SLC38A8: variants seen among roughly 807,000 people sequenced by gnomAD.
SLC38A8 encodes the protein solute carrier family 38 member 8, also known as amino acid transporter SLC38A8.
In SLC38A8, 65 loss-of-function variants were observed where a neutral mutation model predicts 46.0. That is an observed-to-expected ratio of 1.41 (90% CI 1.16 to 1.74). The LOEUF (loss-of-function observed/expected upper bound fraction) is 1.74, where lower values mean the gene tolerates loss of function less well. Among genes scored for constraint, SLC38A8 ranks in the 40% most tolerant of loss-of-function variants. SLC38A8 has a pLI of 0.00. For synonymous variants in SLC38A8, 447 were observed against 243.7 expected, an observed-to-expected ratio of 1.83 and a Z score of -7.77; for missense variants, 998 against 567.9, an observed-to-expected ratio of 1.76 and a Z score of -7.70.
Position 84,029,500 on chromosome 16 carries a change from C to G in SLC38A8, c.684G>C (p.Gly228=), listed in dbSNP as rs766780429. ...VFSVFPTICF[G]FQCHEAAVSI... Reference sequence around the variant, plus strand: ...ACACAGATGCTAAAATTACCTGAAACCCGAAGCAGATGGTGGGGAAGACAC... The same window carrying G: ...ACACAGATGCTAAAATTACCTGAAAGCCGAAGCAGATGGTGGGGAAGACAC... The change falls in exon 6 of 11, where the codon GGG becomes GGC. Residue 228 remains glycine (G), a synonymous_variant. Coordinates refer to ENST00000299709, the MANE Select transcript of SLC38A8 (RefSeq NM_001080442.3). 1.2e-6 allele frequency: 2 copies of G among 1,613,946 alleles called. No individual in the cohort carries two copies. Among genetic ancestry groups the G allele is most frequent in the Non-Finnish European group, 1.7e-6 (2 of 1,179,986 alleles).
intron 10 of SLC38A8, among the ~76,000 whole-genome samples, chr16:84,011,998 C>G (rs1270798224): frequency 1.3e-5 from 2 of 152,152 alleles, no homozygotes; most frequent in African/African-American, 4.8e-5. Flanking sequence ...CAAGGAGCAC[C>G]TGGGGCCACC....
At chr16:84,041,609 G>A (rs531450215) in intron 2 of SLC38A8, among the ~76,000 whole-genome samples, 6 of 152,308 alleles carry the variant, frequency 3.9e-5, no homozygotes, top group South Asian at 2.1e-4. Context: ...CACCGTGCCC[G>A]GCCCAGCTTT....
chr16:84,019,769 CA>C (rs2085074107), intron 7 of SLC38A8, among the ~76,000 whole-genome samples: 1 of 152,166 alleles, frequency 6.6e-6, no homozygotes, highest in Admixed American at 6.5e-5. Context: ...GCAGTGCAGG[CA>C]AAAGAAACAT....
intron 7 of SLC38A8, among the ~76,000 whole-genome samples, chr16:84,021,509 G>C (rs531661991): frequency 2.0e-5 from 3 of 152,164 alleles, no homozygotes; most frequent in Non-Finnish European, 4.4e-5. Context: ...AACCTCCTCA[G>C]AACAGACTTT....
At chr16:84,034,607 G>T (rs2085281171) in intron 3 of SLC38A8, among the ~76,000 whole-genome samples, 1 of 152,184 alleles carries the variant, frequency 6.6e-6, no homozygotes, top group African/African-American at 2.4e-5. Flanking sequence ...GTGCTTCTTT[G>T]TTCTCACTCA....
intron 2 of SLC38A8, 110 bp downstream of exon 2, chr16:84,041,859 G>T: frequency 1.0e-6 from 1 of 961,698 alleles, no homozygotes; most frequent in Non-Finnish European, 1.5e-6. Context: ...AAACCCCGAA[G>T]CTATAGCTTA....
intron 6 of SLC38A8, among the ~76,000 whole-genome samples, chr16:84,023,557 C>G (rs942898187): frequency 5.3e-5 from 8 of 152,134 alleles, no homozygotes; most frequent in Middle Eastern, 6.8e-3. Context: ...AACCATGCAC[C>G]TCAACACAGA....
At chr16:84,035,796 G>A (rs1034054894) in intron 3 of SLC38A8, among the ~76,000 whole-genome samples, 1 of 152,222 alleles carries the variant, frequency 6.6e-6, no homozygotes, top group East Asian at 1.9e-4. Flanking sequence ...CACGAACCAT[G>A]AAGCTTGACA....
chr16:84,027,855 G>A (rs1345706326), intron 6 of SLC38A8, among the ~76,000 whole-genome samples: 2 of 152,266 alleles, frequency 1.3e-5, no homozygotes, highest in Middle Eastern at 3.4e-3. Flanking sequence ...TGCACCATAT[G>A]GCGCTTGGGC....
chr16:84,014,872 C>A (rs972620194), intron 9 of SLC38A8, among the ~76,000 whole-genome samples: 1 of 152,174 alleles, frequency 6.6e-6, no homozygotes, highest in African/African-American at 2.4e-5. Flanking sequence ...ATTCTTCCAT[C>A]GCCCCCCCAC....
intron 2 of SLC38A8, chr16:84,040,088 A>C (rs1418189435): frequency 6.6e-6 from 1 of 152,102 alleles, no homozygotes; most frequent in Non-Finnish European, 1.5e-5. Context: ...CAGGCTTCCA[A>C]CCTCTGCCCA....
intron 6 of SLC38A8, among the ~76,000 whole-genome samples, chr16:84,025,135 C>G (rs1296441337): frequency 6.8e-6 from 1 of 146,782 alleles, no homozygotes; most frequent in East Asian, 2.1e-4. Context: ...AGGCTCTGCT[C>G]TGTCCAGACA....
chr16:84,021,935 G>A (rs1386910377), intron 7 of SLC38A8, among the ~76,000 whole-genome samples: 1 of 152,164 alleles, frequency 6.6e-6, no homozygotes, highest in Admixed American at 6.5e-5. Flanking sequence ...GTGAGCCCAG[G>A]TCTCTCTTCT....
intron 3 of SLC38A8, 103 bp downstream of exon 3, chr16:84,036,599 C>T: frequency 7.4e-7 from 1 of 1,342,364 alleles, no homozygotes. Context: ...TGCTGTCCCT[C>T]AGGGCCCAGG....
At chr16:84,039,543 G>C (rs372110745) in intron 2 of SLC38A8, among the ~76,000 whole-genome samples, 1 of 152,032 alleles carries the variant, frequency 6.6e-6, no homozygotes, top group Non-Finnish European at 1.5e-5. Flanking sequence ...TCAGGAGATC[G>C]AGACCATCCT....
chr16:84,011,981 C>A (rs2084959649), intron 10 of SLC38A8, among the ~76,000 whole-genome samples: 1 of 152,128 alleles, frequency 6.6e-6, no homozygotes, highest in Non-Finnish European at 1.5e-5. Context: ...GTGATGTAGC[C>A]ACAGGCCAAG....
chr16:84,042,053 C>T lies in SLC38A8; in HGVS notation c.105G>A (p.Lys35=). Residue 35 remains lysine, a synonymous_variant, in exon 2 of 11, where the codon AAG becomes AAA. Transcript: ENST00000299709. ...SSMGAVFILM[K]SALGAGLLNF... ...TGAGCAGGCCAGCTCCCAGCGCGGA[C>T]TTCATGAGGATGAAGACAGCGCCCA... The T allele has an allele frequency of 6.2e-7, 1 of 1,614,064 alleles. No homozygotes were observed. The highest frequency in any genetic ancestry group is 8.5e-7 in the Non-Finnish European group (1 of 1,180,008).
intron 6 of SLC38A8, among the ~76,000 whole-genome samples, chr16:84,027,396 A>G (rs2085177557): frequency 6.6e-6 from 1 of 151,964 alleles, no homozygotes; most frequent in East Asian, 1.9e-4. Context: ...AACACACACT[A>G]GAAGTCCTGG....
chr16:84,043,216 G>A (rs904839635), upstream of SLC38A8, among the ~76,000 whole-genome samples: 1 of 152,212 alleles, frequency 6.6e-6, no homozygotes, highest in Non-Finnish European at 1.5e-5. Flanking sequence ...GGCGGCTGCT[G>A]GTCCCTAGGC....
Sources: gnomAD v4.1 joint callset for allele counts (sites outside exome capture counted in the v4.1 genomes callset) on GRCh38, gnomAD v4.1.1 for gene constraint, MANE v1.5 for transcripts, NCBI Gene and HGNC (gene_info 2026-07-23, HGNC 2026-07-21) for gene names.